The following VPS41 variants were observed in gnomAD, a reference collection of about 807,000 sequenced individuals.
VPS41 encodes the protein vacuolar protein sorting-associated protein 41 homolog.
Under a neutral mutation model 130.9 loss-of-function variants are expected in VPS41, and 85 were observed. The observed-to-expected ratio is 0.65, with a 90% CI of 0.55 to 0.78. The LOEUF (loss-of-function observed/expected upper bound fraction) is 0.78, where lower values mean the gene tolerates loss of function less well. Among genes scored for constraint, VPS41 ranks in the 30% least tolerant of loss-of-function variants. The pLI is 0.00. For synonymous variants in VPS41, 335 were observed against 332.9 expected (o/e 1.01, Z -0.07); for missense variants, 874 against 1,018.7 (o/e 0.86, Z 1.93).
At chr7:38,894,068 T>C (rs1164129504) in intron 2 of VPS41, among the ~76,000 whole-genome samples, 1 of 152,158 alleles carries the variant, frequency 6.6e-6, no homozygotes, top group African/African-American at 2.4e-5. Context: ...TTTATGGAAA[T>C]GGAAATTATC....
chr7:38,754,872 A>G (rs771023684), intron 20 of VPS41, 23 bp downstream of exon 20: 4 of 1,611,236 alleles, frequency 2.5e-6, no homozygotes, highest in Admixed American at 1.7e-5. Flanking sequence ...CTGGTAACAC[A>G]TATAAAAACA....
intron 4 of VPS41, among the ~76,000 whole-genome samples, chr7:38,846,146 A>T (rs3779122): frequency 0.24 from 35,740 of 152,022 alleles, 4,903 homozygotes; most frequent in Non-Finnish European, 0.31. Context: ...AAGAGAATTT[A>T]AAAAAAATGG....
intron 17 of VPS41, among the ~76,000 whole-genome samples, chr7:38,759,411 C>T (rs747447007): frequency 1.3e-5 from 2 of 152,060 alleles, no homozygotes; most frequent in African/African-American, 2.4e-5. Context: ...TCAAAACAAA[C>T]CAAACAATTT....
intron 22 of VPS41, among the ~76,000 whole-genome samples, chr7:38,746,302 A>G (rs1349994123): frequency 6.6e-6 from 1 of 151,996 alleles, no homozygotes; most frequent in Non-Finnish European, 1.5e-5. Context: ...TTACTTACTA[A>G]TTCTAAATTA....
intron 4 of VPS41, among the ~76,000 whole-genome samples, chr7:38,844,923 G>A (rs192378979): frequency 4.9e-4 from 74 of 152,232 alleles, no homozygotes; most frequent in African/African-American, 1.7e-3. Flanking sequence ...TATTCACCCC[G>A]CTGTTGCACC....
At chr7:38,786,509 T>C (rs1245082980) in intron 10 of VPS41, among the ~76,000 whole-genome samples, 1 of 152,190 alleles carries the variant, frequency 6.6e-6, no homozygotes, top group African/African-American at 2.4e-5. Context: ...AAAGAGTTGT[T>C]ACATCCCTCC....
rs115138402 is a variant in VPS41, at chr7:38,903,094, C to T, written c.22-4965G>A. 8.0e-3 allele frequency among the ~76,000 whole-genome samples: 1,217 copies of T among 152,312 alleles called. 16 individuals carry two copies. Among genetic ancestry groups the T allele is most frequent in the African/African-American group, 0.028 (1,165 of 41,570 alleles). On this transcript the variant is annotated intron_variant, in intron 1 of 28. Transcript: ENST00000310301. The stretch of plus-strand genomic sequence containing the variant: ...ATACCAAGCATATTTTCTCCAGACT[C>T]ATGTCTGAATTATTAGCTTATGAAC...
rs570683791 is a variant in VPS41 at position 38,786,635 on chromosome 7, T to C, written c.784+3166A>G. Among the ~76,000 whole-genome samples the C allele has an allele frequency of 6.6e-5, 10 of 152,324 alleles. No individual in the cohort carries two copies. In the East Asian group the frequency reaches 1.7e-3, roughly 26 times the overall value. On this transcript the variant is annotated intron_variant, in intron 10 of 28. Transcript: ENST00000310301. ...AAAGTTCTTTTCTTTAATGAAAATT[T>C]CATAACAAAATGTTAGAAAAAAAAT...
intron 22 of VPS41, among the ~76,000 whole-genome samples, chr7:38,750,974 C>T (rs1490697484): frequency 6.6e-6 from 1 of 152,126 alleles, no homozygotes; most frequent in East Asian, 1.9e-4. Context: ...GTTATAAAGT[C>T]CTATGTTGAG....
chr7:38,829,131 A>T (rs1785336291), intron 5 of VPS41, among the ~76,000 whole-genome samples: 1 of 152,162 alleles, frequency 6.6e-6, no homozygotes. Context: ...CTCCTCCTTC[A>T]TCTCTCTCTG....
At chr7:38,752,849 C>T (rs1783705875) in intron 21 of VPS41, among the ~76,000 whole-genome samples, 1 of 152,178 alleles carries the variant, frequency 6.6e-6, no homozygotes, top group Admixed American at 6.5e-5. Flanking sequence ...GGGCACTAAA[C>T]TCATTTCCAT....
At position 38,741,042 on chromosome 7, in the gene VPS41, C is replaced by G. The variant is rs191891117; in HGVS notation, c.2259+943G>C. On this transcript the variant is annotated intron_variant, in intron 25 of 28. Transcript: ENST00000310301. ...ATCTGTTTTTGATGCCACCAATGTTCCTGCAATATCTTCTCCTTTCCACCC... is the reference window on the plus strand; with the variant it reads ...ATCTGTTTTTGATGCCACCAATGTTGCTGCAATATCTTCTCCTTTCCACCC... Among the ~76,000 whole-genome samples the G allele has an allele frequency of 4.4e-3, 670 of 152,310 alleles. 4 individuals are homozygous for G. The highest frequency in any genetic ancestry group is 0.016 in the African/African-American group (645 of 41,568).
rs1786141359 is a variant in VPS41 at position 38,862,603 on chromosome 7, T to C, written c.188A>G (p.His63Arg). 4 of 1,609,548 alleles carry C rather than the reference T, an allele frequency of 2.5e-6. No homozygotes were observed. Among genetic ancestry groups the C allele is most frequent in the Non-Finnish European group, 3.4e-6 (4 of 1,177,818 alleles). ...VHDKFLALGT[H>R]YGKVYLLDVQ... The stretch of plus-strand genomic sequence containing the variant: ...ATCAAGTAAATAAACCTTGCCATAA[T>C]GTGTGCCCAATGCCAAAAACTGTAA... The change falls in exon 4 of 29, where the codon CAT (histidine) becomes CGT (arginine). Residue 63 changes from histidine to arginine, a missense_variant. His to Arg is a conservative substitution (Grantham distance 29). Transcript: ENST00000310301.
At chr7:38,747,312 G>C (rs112209457) in intron 22 of VPS41, among the ~76,000 whole-genome samples, 1,762 of 152,286 alleles carry the variant, frequency 0.012, 43 homozygotes, top group African/African-American at 0.039. Context: ...AGCCAACTGA[G>C]TGCCTAGATT....
intron 14 of VPS41, among the ~76,000 whole-genome samples, chr7:38,768,172 G>A (rs914834375): frequency 6.6e-6 from 1 of 152,192 alleles, no homozygotes; most frequent in Non-Finnish European, 1.5e-5. Flanking sequence ...GAGTATTCAT[G>A]TTTATTCGCT....
At chr7:38,751,828 TC>T (rs1298600304) in intron 22 of VPS41, among the ~76,000 whole-genome samples, 1 of 152,198 alleles carries the variant, frequency 6.6e-6, no homozygotes, top group African/African-American at 2.4e-5. Context: ...TGTGTCTCCC[TC>T]CCAGGCTCTT....
chr7:38,775,764 C>T (rs1029120420), intron 11 of VPS41: 3 of 151,720 alleles, frequency 2.0e-5, no homozygotes, highest in Admixed American at 6.6e-5. Context: ...CGCTCAAGAG[C>T]AGCTACCACT....
intron 14 of VPS41, among the ~76,000 whole-genome samples, chr7:38,768,530 G>C (rs1784092399): frequency 6.6e-6 from 1 of 152,086 alleles, no homozygotes; most frequent in African/African-American, 2.4e-5. Flanking sequence ...CCCATTTCAA[G>C]AGTGAAGCAA....
intron 7 of VPS41, among the ~76,000 whole-genome samples, chr7:38,810,576 C>T (rs1784924332): frequency 6.6e-6 from 1 of 152,150 alleles, no homozygotes; most frequent in Admixed American, 6.5e-5. Flanking sequence ...CTCTGTGCCA[C>T]TTTAACCCAT....
Sources: gnomAD v4.1 joint callset for allele counts (sites outside exome capture counted in the v4.1 genomes callset) on GRCh38, gnomAD v4.1.1 for gene constraint, MANE v1.5 for transcripts, NCBI Gene and HGNC (gene_info 2026-07-23, HGNC 2026-07-21) for gene names.